Variants in SPAG9 observed in about 807,000 individuals in gnomAD.
The protein encoded by SPAG9 is C-Jun-amino-terminal kinase-interacting protein 4.
In SPAG9, 35 loss-of-function variants were observed where a neutral mutation model predicts 166.5. The ratio of observed to expected loss-of-function variants is 0.21; its 90% CI spans 0.16 to 0.28. The LOEUF is 0.28. Among genes scored for constraint, SPAG9 ranks in the 10% least tolerant of loss-of-function variants. SPAG9 has a pLI of 1.00. For synonymous variants in SPAG9, 534 were observed against 565.5 expected, an observed-to-expected ratio of 0.94 and a Z score of 0.79; for missense variants, 1,235 against 1,603.3, an observed-to-expected ratio of 0.77 and a Z score of 3.92.
intron 21 of SPAG9, among the ~76,000 whole-genome samples, chr17:50,987,824 T>G (rs1043072622): frequency 2.6e-5 from 4 of 152,222 alleles, no homozygotes; most frequent in African/African-American, 9.6e-5. Flanking sequence ...GAAATATGTT[T>G]AATATTCTAT....
At chr17:51,083,627 G>C (rs985304872) in intron 1 of SPAG9, among the ~76,000 whole-genome samples, 55 of 151,236 alleles carry the variant, frequency 3.6e-4, no homozygotes, top group African/African-American at 1.3e-3. Flanking sequence ...TACAACTGCT[G>C]AACTGCTGGC....
intron 29 of SPAG9, among the ~76,000 whole-genome samples, chr17:50,969,398 A>G (rs1973605771): frequency 6.6e-6 from 1 of 151,928 alleles, no homozygotes; most frequent in Non-Finnish European, 1.5e-5. Context: ...CCTTCCCCAC[A>G]TTCTCATCAT....
At chr17:51,095,687 G>GAT (rs895790025) in intron 1 of SPAG9, among the ~76,000 whole-genome samples, 212 of 146,430 alleles carry the variant, frequency 1.4e-3, no homozygotes, top group African/African-American at 4.9e-3. Context: ...TATATATAGT[G>GAT]ATATATATAT....
intron 2 of SPAG9, among the ~76,000 whole-genome samples, chr17:51,063,443 C>T (rs564752065): frequency 1.3e-5 from 2 of 151,470 alleles, no homozygotes; most frequent in African/African-American, 2.4e-5. Context: ...ATGCTGACCA[C>T]GTCTATCTTT....
intron 2 of SPAG9, among the ~76,000 whole-genome samples, chr17:51,063,939 G>A (rs922902003): frequency 6.6e-6 from 1 of 151,870 alleles, no homozygotes; most frequent in African/African-American, 2.4e-5. Flanking sequence ...TAATAAAATG[G>A]AATTTTAAAA....
At position 50,963,221 on chromosome 17, in the gene SPAG9, T is replaced by G. The variant is rs1376459120; in HGVS notation, c.*3051A>C. On this transcript the variant is annotated 3_prime_UTR_variant, in exon 30 of 30. Coordinates refer to ENST00000262013, the MANE Select transcript of SPAG9 (RefSeq NM_001130528.3). The stretch of plus-strand genomic sequence containing the variant: ...TCTTCCAATAGGGGTACACTTTTTT[T>G]GTACAGTGAGATCAACCCAAAGTAC... 1 of 152,240 alleles carries G rather than the reference T, an allele frequency of 6.6e-6. No individual in the cohort carries two copies. The highest frequency in any genetic ancestry group is 2.4e-5 in the African/African-American group (1 of 41,472). 9.4% of individuals were successfully genotyped at this position (152,240 alleles called of 1,614,324 possible). A position where few individuals can be genotyped will look rare whatever the true frequency, so the allele number is the denominator to read the frequency against.
intron 29 of SPAG9, among the ~76,000 whole-genome samples, chr17:50,967,168 G>A (rs953657242): frequency 2.6e-5 from 4 of 152,158 alleles, no homozygotes; most frequent in African/African-American, 4.8e-5. Context: ...CATAATTCTC[G>A]ATACAAGCTT....
At chr17:51,053,857 ATATATATATATATATAT>A (rs2047268510) in intron 3 of SPAG9, among the ~76,000 whole-genome samples, 18 of 36,544 alleles carry the variant, frequency 4.9e-4, no homozygotes, top group South Asian at 1.1e-3. Flanking sequence ...AAAAAAAAGT[ATATATATATATATATAT>A]ATATATATAT....
At chr17:51,024,579 G>A (rs1471495616) in intron 6 of SPAG9, among the ~76,000 whole-genome samples, 2 of 151,764 alleles carry the variant, frequency 1.3e-5, no homozygotes, top group Non-Finnish European at 2.9e-5. Flanking sequence ...CGGGCGTGGC[G>A]GCACACGTCT....
rs746927742 is a variant in SPAG9 at position 50,989,638 on chromosome 17, C to A, written c.2813+39G>T. ...TATTTTGGTTCCTTTTATTTGTGCACTTCACCCAGTTGCCTAAGTTGATGA... is the reference window on the plus strand; with the variant it reads ...TATTTTGGTTCCTTTTATTTGTGCAATTCACCCAGTTGCCTAAGTTGATGA... On this transcript the variant is annotated intron_variant, in intron 21 of 29. Coordinates refer to ENST00000262013, the MANE Select transcript of SPAG9 (RefSeq NM_001130528.3). 5.8e-6 allele frequency: 9 copies of A among 1,547,662 alleles called. No individual in the cohort carries two copies. In the South Asian group the frequency reaches 9.0e-5, roughly 15 times the overall value.
chr17:51,027,277 C>A (rs2046219217), intron 6 of SPAG9, among the ~76,000 whole-genome samples: 1 of 151,804 alleles, frequency 6.6e-6, no homozygotes, highest in South Asian at 2.1e-4. Context: ...ACTAAAAATA[C>A]AAAAATTAGC....
rs1157639358 is a variant in SPAG9 at position 51,054,116 on chromosome 17, CTTTTTTTT to C, written c.495+2288_495+2295del. ...AACAAATGTCATTAAAATGTGAGGG[CTTTTTTTT>C]TTTTTTTTTTTTTTTGGAGACAGGG... On this transcript the variant is annotated intron_variant, in intron 3 of 29. Transcript: ENST00000262013. 3.2e-4 allele frequency among the ~76,000 whole-genome samples: 24 copies of C among 73,966 alleles called. No homozygotes were observed. The Admixed American group carries it at 4.4e-3, about 14-fold the overall frequency. 48.5% of individuals were successfully genotyped at this position (73,966 alleles called of 152,430 possible).
At chr17:51,089,673 C>CACAT (rs2048412935) in intron 1 of SPAG9, among the ~76,000 whole-genome samples, 1 of 117,044 alleles carries the variant, frequency 8.5e-6, no homozygotes, top group African/African-American at 3.1e-5. Flanking sequence ...TACACATACA[C>CACAT]ACACACACTT....
chr17:51,098,877 G>A (rs2048718884), intron 1 of SPAG9, among the ~76,000 whole-genome samples: 4 of 151,088 alleles, frequency 2.6e-5, no homozygotes, highest in South Asian at 2.1e-4. Flanking sequence ...CAAGGCGGGC[G>A]GATCACAAGG....
intron 13 of SPAG9, among the ~76,000 whole-genome samples, chr17:51,001,363 C>G (rs1164926840): frequency 6.6e-6 from 1 of 152,190 alleles, no homozygotes; most frequent in East Asian, 1.9e-4. Flanking sequence ...CAGAAAGACA[C>G]TGAGTCAAAA....
At chr17:51,104,799 A>G (rs1262305262) in intron 1 of SPAG9, among the ~76,000 whole-genome samples, 23 of 150,708 alleles carry the variant, frequency 1.5e-4, no homozygotes, top group African/African-American at 1.7e-4. Context: ...CGGGCGTGGT[A>G]GCGGGCGCCT....
intron 6 of SPAG9, among the ~76,000 whole-genome samples, chr17:51,027,703 AAAAGT>A (rs1370348421): frequency 6.6e-6 from 1 of 152,238 alleles, no homozygotes. Flanking sequence ...CCAGGTGTAT[AAAAGT>A]ATAGTACATG....
At chr17:51,038,913 T>C (rs2046724440) in intron 5 of SPAG9, among the ~76,000 whole-genome samples, 1 of 152,238 alleles carries the variant, frequency 6.6e-6, no homozygotes, top group Non-Finnish European at 1.5e-5. Context: ...TAAGAACTTG[T>C]ACATTTTTCT....
chr17:51,018,096 C>T (rs1044824534), intron 8 of SPAG9, among the ~76,000 whole-genome samples: 1 of 152,048 alleles, frequency 6.6e-6, no homozygotes, highest in South Asian at 2.1e-4. Flanking sequence ...AATCTCCCAG[C>T]ACTTTGGGAG....
Sources: gnomAD v4.1 joint callset for allele counts (sites outside exome capture counted in the v4.1 genomes callset) on GRCh38, gnomAD v4.1.1 for gene constraint, MANE v1.5 for transcripts, NCBI Gene and HGNC (gene_info 2026-07-23, HGNC 2026-07-21) for gene names.